The following NALCN variants were observed in gnomAD, a reference collection of about 807,000 sequenced individuals.
NALCN encodes sodium leak channel NALCN.
Under a neutral mutation model 225.3 loss-of-function variants are expected in NALCN, and 111 were observed. The observed-to-expected ratio is 0.49, with a 90% confidence interval of 0.42 to 0.58. The LOEUF (loss-of-function observed/expected upper bound fraction) is 0.58. NALCN is among the 20% of genes least tolerant of loss of function. NALCN has a pLI of 0.00. For synonymous variants in NALCN, 764 were observed against 769.0 expected (o/e 0.99, Z 0.11); for missense variants, 1,378 against 2,202.4 (o/e 0.63, Z 7.49).
chr13:101,068,986 G>T (rs2032645099), intron 37 of NALCN, among the ~76,000 whole-genome samples, 159 bp from the exon 38 acceptor site: 1 of 152,180 alleles, frequency 6.6e-6, no homozygotes, highest in Admixed American at 6.5e-5. Flanking sequence ...ATCATCTGTA[G>T]CAGAAATAAA....
rs1280070869 is a variant in NALCN, at chr13:101,281,633, C to G, written c.1134+2300G>C. On this transcript the variant is annotated intron_variant, in intron 10 of 43. Coordinates refer to ENST00000251127, the MANE Select transcript of NALCN (RefSeq NM_052867.4). ...ATTGTAAGCTTTTCTACTTATTGCC[C>G]TCCATTTTTTTAAACTGACAGAAAT... Among the ~76,000 whole-genome samples, 3 of 152,188 alleles carry G rather than the reference C, an allele frequency of 2.0e-5. No homozygotes were observed. The East Asian group carries it at 5.8e-4, about 29-fold the overall frequency.
At position 101,238,227 on chromosome 13, in the gene NALCN, T is replaced by C. The variant is rs554716720; in HGVS notation, c.1267-305A>G. 1.6e-3 allele frequency among the ~76,000 whole-genome samples: 243 copies of C among 152,074 alleles called. No homozygotes were observed. Among genetic ancestry groups the C allele is most frequent in the Non-Finnish European group, 1.8e-3 (124 of 67,828 alleles). The stretch of plus-strand genomic sequence containing the variant: ...ACCATTATTATTTAAAGACTTTCTA[T>C]GTACACAAAAGGCTGAATTTTTTTG... On this transcript the variant is annotated intron_variant, in intron 11 of 43. Transcript: ENST00000251127.
rs764729264 is a variant in NALCN at position 101,237,951 on chromosome 13, AAAT to A, written c.1267-32_1267-30del. On this transcript the variant is annotated intron_variant, in intron 11 of 43. Coordinates refer to ENST00000251127, the MANE Select transcript of NALCN (RefSeq NM_052867.4). ...GAGAAACAAAGAAACATTGAAATTGAAATTCAGAACTATAATTTATTCTAAATT... is the reference window on the plus strand; with the variant it reads ...GAGAAACAAAGAAACATTGAAATTGATCAGAACTATAATTTATTCTAAATT... 7.0e-6 allele frequency: 11 copies of A among 1,563,066 alleles called. No individual in the cohort carries two copies. The Admixed American group carries it at 2.1e-4, about 29-fold the overall frequency.
intron 6 of NALCN, among the ~76,000 whole-genome samples, chr13:101,360,312 C>T (rs2046216722): frequency 6.6e-6 from 1 of 151,406 alleles, no homozygotes; most frequent in Admixed American, 6.6e-5. Context: ...CTCACTGCAA[C>T]CTCCCTCACC....
At chr13:101,257,813 C>T (rs1394849196) in intron 11 of NALCN, among the ~76,000 whole-genome samples, 2 of 151,342 alleles carry the variant, frequency 1.3e-5, no homozygotes, top group South Asian at 2.1e-4. Flanking sequence ...AATATAAATG[C>T]AAAATGCTTA....
chr13:101,169,030 T>A (rs2038589298), intron 15 of NALCN, among the ~76,000 whole-genome samples: 1 of 152,236 alleles, frequency 6.6e-6, no homozygotes, highest in Non-Finnish European at 1.5e-5. Flanking sequence ...GATTTCACAG[T>A]CTGCTTTAGA....
At chr13:101,322,646 C>A (rs1197468519) in intron 7 of NALCN, among the ~76,000 whole-genome samples, 1 of 152,068 alleles carries the variant, frequency 6.6e-6, no homozygotes, top group East Asian at 1.9e-4. Context: ...TAAATAGAAA[C>A]CACTTGTTTT....
At chr13:101,279,390 T>C (rs2138983047) in intron 10 of NALCN, among the ~76,000 whole-genome samples, 1 of 152,304 alleles carries the variant, frequency 6.6e-6, no homozygotes, top group South Asian at 2.1e-4. Flanking sequence ...CGACTCAACA[T>C]TAACCTCCAA....
At chr13:101,181,284 G>C (rs762592535) in intron 14 of NALCN, 1 of 518,972 alleles carries the variant, frequency 1.9e-6, no homozygotes, top group Non-Finnish European at 3.8e-6. Context: ...GGAGAGGAAG[G>C]CAGGATGGAC....
chr13:101,255,514 G>C (rs1334174695), intron 11 of NALCN, among the ~76,000 whole-genome samples: 1 of 152,206 alleles, frequency 6.6e-6, no homozygotes, highest in Non-Finnish European at 1.5e-5. Context: ...CTCAGGAGCA[G>C]ATGCAGATTC....
intron 3 of NALCN, among the ~76,000 whole-genome samples, chr13:101,389,952 C>A (rs984535624): frequency 6.6e-6 from 1 of 151,942 alleles, no homozygotes; most frequent in Admixed American, 6.6e-5. Flanking sequence ...TGTGGTGGTG[C>A]GTGCCTGTAA....
intron 7 of NALCN, among the ~76,000 whole-genome samples, chr13:101,307,862 C>T (rs576309276): frequency 5.9e-4 from 89 of 151,950 alleles, no homozygotes; most frequent in Non-Finnish European, 9.3e-4. Flanking sequence ...AACCAAAATC[C>T]GATATTTAAA....
At chr13:101,266,574 G>A (rs2042604009) in intron 10 of NALCN, among the ~76,000 whole-genome samples, 1 of 152,174 alleles carries the variant, frequency 6.6e-6, no homozygotes, top group African/African-American at 2.4e-5. Context: ...TGCTGCTTGA[G>A]TGAGTAAAAC....
intron 17 of NALCN, among the ~76,000 whole-genome samples, chr13:101,133,711 A>C (rs377167261): frequency 7.9e-4 from 121 of 152,336 alleles, no homozygotes; most frequent in Middle Eastern, 3.4e-3. Flanking sequence ...CATTATGCTT[A>C]GAAAAAAAAT....
At chr13:101,251,690 A>G (rs890276377) in intron 11 of NALCN, among the ~76,000 whole-genome samples, 1 of 152,220 alleles carries the variant, frequency 6.6e-6, no homozygotes, top group Non-Finnish European at 1.5e-5. Flanking sequence ...ATATTAATAC[A>G]CAAAGGCTAA....
At chr13:101,383,120 C>T (rs1042709920) in intron 3 of NALCN, among the ~76,000 whole-genome samples, 7 of 152,162 alleles carry the variant, frequency 4.6e-5, no homozygotes, top group Admixed American at 4.6e-4. Context: ...TTCATGCTGT[C>T]CATCTTCCCG....
intron 13 of NALCN, among the ~76,000 whole-genome samples, chr13:101,224,070 A>G (rs1230110962): frequency 6.6e-6 from 1 of 152,114 alleles, no homozygotes; most frequent in Admixed American, 6.6e-5. Context: ...GGACTCCCCA[A>G]CTGGTTTCAT....
At chr13:101,386,223 G>A (rs981456525) in intron 3 of NALCN, among the ~76,000 whole-genome samples, 11 of 152,228 alleles carry the variant, frequency 7.2e-5, no homozygotes, top group African/African-American at 2.2e-4. Context: ...GAAATCAGTC[G>A]AGCTCCCCTA....
chr13:101,065,481 C>T lies in NALCN; in HGVS notation c.4527G>A (p.Lys1509=). The T allele has an allele frequency of 6.2e-7, 1 of 1,614,204 alleles. No homozygotes were observed. The highest frequency in any genetic ancestry group is 8.5e-7 in the Non-Finnish European group (1 of 1,180,026). Residue 1509 remains lysine, a synonymous_variant, in exon 40 of 44, where the codon AAG becomes AAA. Transcript: ENST00000251127. ...CGTAGCACATGTGCTTAAACAGGAG[C>T]TTGTCCTTGTCCAGGTCCACCTCCA... ...GRLEVDLDKD[K]LLFKHMCYEM... is the part of the protein sequence containing the mutation.
Sources: allele counts gnomAD v4.1 joint callset (sites outside exome capture counted in the v4.1 genomes callset), GRCh38; gene constraint gnomAD v4.1.1; transcripts MANE v1.5; gene names NCBI Gene and HGNC (gene_info 2026-07-23, HGNC 2026-07-21).